GRID2: variants seen among roughly 807,000 people sequenced by gnomAD.
GRID2 encodes glutamate ionotropic receptor delta type subunit 2.
A neutral mutation model predicts 114.8 loss-of-function variants in GRID2; 33 were observed. The observed-to-expected ratio is 0.29, with a 90% CI of 0.22 to 0.38. The LOEUF is 0.38. Among genes scored for constraint, GRID2 ranks in the 10% least tolerant of loss-of-function variants. GRID2 has a pLI of 1.00. For synonymous variants in GRID2, 505 were observed against 449.9 expected (o/e 1.12, Z -1.55); for missense variants, 1,184 against 1,257.7 (o/e 0.94, Z 0.89).
chr4:93,281,097 A>G lies in GRID2; in HGVS notation c.1245+42607A>G, dbSNP rs374326574. Among the ~76,000 whole-genome samples the G allele has an allele frequency of 4.6e-5, 7 of 151,978 alleles. No individual in the cohort carries two copies. The East Asian group carries it at 7.7e-4, about 17-fold the overall frequency. ...ATTATACTATTTTGATAAGTGCTTT[A>G]AAGAAAAATAAAGCAGAGAAGAGGA... On this transcript the variant is annotated intron_variant, in intron 8 of 15. Coordinates refer to ENST00000282020, the MANE Select transcript of GRID2 (RefSeq NM_001510.4).
chr4:93,723,713 G>A (rs908263244), intron 14 of GRID2, among the ~76,000 whole-genome samples: 1 of 152,110 alleles, frequency 6.6e-6, no homozygotes. Context: ...CTAATGGATC[G>A]ATGTAATAGC....
chr4:93,216,378 T>C (rs766020426), intron 5 of GRID2, among the ~76,000 whole-genome samples: 17 of 152,056 alleles, frequency 1.1e-4, no homozygotes, highest in Non-Finnish European at 1.6e-4. Flanking sequence ...TATTAATTAA[T>C]AATAAACTAT....
intron 5 of GRID2, among the ~76,000 whole-genome samples, chr4:93,216,156 C>T (rs1203147032): frequency 6.6e-6 from 1 of 150,768 alleles, no homozygotes; most frequent in African/African-American, 2.4e-5. Context: ...CCAAGAGAAA[C>T]ATACGAGTTA....
chr4:92,347,325 A>ATG (rs982762116), intron 1 of GRID2, among the ~76,000 whole-genome samples: 4 of 152,148 alleles, frequency 2.6e-5, no homozygotes, highest in Non-Finnish European at 5.9e-5. Flanking sequence ...CACATGCAAT[A>ATG]TGTGTGTGTG....
At chr4:93,042,724 G>T (rs34512791) in intron 2 of GRID2, among the ~76,000 whole-genome samples, 13,162 of 142,494 alleles carry the variant, frequency 0.092, 664 homozygotes, top group East Asian at 0.12. Context: ...TAGATATATA[G>T]AGAGAGAGAT....
rs1326561132 is a variant in GRID2, at chr4:93,772,816, C to T, written c.*318C>T. The stretch of plus-strand genomic sequence containing the variant: ...GTATAGGAAATGTGCACTGAGTATA[C>T]TAAAAGTATATGCAGGATTAATTTT... On this transcript the variant is annotated 3_prime_UTR_variant, in exon 16 of 16. Coordinates refer to ENST00000282020, the MANE Select transcript of GRID2 (RefSeq NM_001510.4). 1.1e-5 allele frequency: 3 copies of T among 262,670 alleles called. No individual in the cohort carries two copies. Among genetic ancestry groups the T allele is most frequent in the Non-Finnish European group, 2.1e-5 (3 of 139,804 alleles). 16.3% of individuals were successfully genotyped at this position (262,670 alleles called of 1,614,324 possible).
intron 2 of GRID2, among the ~76,000 whole-genome samples, chr4:92,815,595 T>C (rs1451786258): frequency 1.3e-5 from 2 of 152,056 alleles, no homozygotes; most frequent in African/African-American, 4.8e-5. Flanking sequence ...ATTTCTGAAA[T>C]GTTATAATCT....
chr4:93,535,221 CACAT>C (rs1731915665), intron 13 of GRID2, among the ~76,000 whole-genome samples: 2 of 111,606 alleles, frequency 1.8e-5, no homozygotes, highest in Non-Finnish European at 3.5e-5. Context: ...TTTATACACA[CACAT>C]ACACATACAC....
In GRID2 at chr4:93,045,326, G is replaced by A. The variant is rs1726027526; in HGVS notation, c.245-39669G>A. Among the ~76,000 whole-genome samples the A allele has an allele frequency of 2.0e-5, 3 of 151,960 alleles. No individual in the cohort carries two copies. In the South Asian group the frequency reaches 6.2e-4, roughly 32 times the overall value. On this transcript the variant is annotated intron_variant, in intron 2 of 15. Transcript: ENST00000282020. ...GCTCCTAATACTGCTTTGGCTTCCT[G>A]GTGCATCTGCTCATGTGGTATCTGC...
chr4:92,344,642 T>C (rs552505466), intron 1 of GRID2, among the ~76,000 whole-genome samples: 2 of 152,268 alleles, frequency 1.3e-5, no homozygotes, highest in East Asian at 1.9e-4. Flanking sequence ...AGCTTGCTCA[T>C]TGGTGGTGAA....
intron 2 of GRID2, among the ~76,000 whole-genome samples, chr4:92,987,392 C>T (rs1157174822): frequency 6.6e-6 from 1 of 151,842 alleles, no homozygotes; most frequent in Non-Finnish European, 1.5e-5. Context: ...AGTGAAATTG[C>T]CAGAACAGTG....
intron 2 of GRID2, among the ~76,000 whole-genome samples, chr4:92,964,821 G>C (rs1753033659): frequency 6.6e-6 from 1 of 152,002 alleles, no homozygotes; most frequent in Admixed American, 6.6e-5. Context: ...AAGAAAGATA[G>C]TGGCTGGTTT....
At chr4:93,752,407 G>A (rs1181234450) in intron 14 of GRID2, among the ~76,000 whole-genome samples, 2 of 150,026 alleles carry the variant, frequency 1.3e-5, no homozygotes, top group African/African-American at 4.9e-5. Flanking sequence ...GTCTTGCTCT[G>A]TCATCCAGGC....
chr4:93,649,538 A>G (rs533304897), intron 14 of GRID2, among the ~76,000 whole-genome samples: 18 of 152,308 alleles, frequency 1.2e-4, no homozygotes, highest in African/African-American at 4.1e-4. Context: ...CAAGTCTACT[A>G]TATTCCCAAG....
intron 4 of GRID2, among the ~76,000 whole-genome samples, chr4:93,145,329 T>C (rs955165000): frequency 2.0e-5 from 3 of 152,280 alleles, no homozygotes; most frequent in South Asian, 2.1e-4. Flanking sequence ...ATACTAGGTA[T>C]TCAGTAATTA....
chr4:93,061,680 A>G (rs1246402198), intron 2 of GRID2, among the ~76,000 whole-genome samples: 1 of 152,158 alleles, frequency 6.6e-6, no homozygotes, highest in African/African-American at 2.4e-5. Context: ...GTGAAAACTA[A>G]GCAGAGATAC....
intron 13 of GRID2, among the ~76,000 whole-genome samples, chr4:93,529,211 C>A (rs979545979): frequency 6.6e-6 from 1 of 152,144 alleles, no homozygotes; most frequent in African/African-American, 2.4e-5. Context: ...ACCCAGATAT[C>A]AAGATTCACG....
chr4:92,883,454 T>C (rs1361456891), intron 2 of GRID2, among the ~76,000 whole-genome samples: 1 of 152,164 alleles, frequency 6.6e-6, no homozygotes, highest in Non-Finnish European at 1.5e-5. Context: ...TCATGAACCA[T>C]GAATGTTCTG....
At chr4:92,668,210 A>G (rs1037341030) in intron 2 of GRID2, among the ~76,000 whole-genome samples, 5 of 151,786 alleles carry the variant, frequency 3.3e-5, no homozygotes, top group African/African-American at 1.2e-4. Flanking sequence ...TCTGTCTCTT[A>G]AGAATGAGAT....
Sources: gnomAD v4.1 joint callset for allele counts (sites outside exome capture counted in the v4.1 genomes callset) on GRCh38, gnomAD v4.1.1 for gene constraint, MANE v1.5 for transcripts, NCBI Gene and HGNC (gene_info 2026-07-23, HGNC 2026-07-21) for gene names.